The following PASK variants were observed in gnomAD, a reference collection of about 807,000 sequenced individuals.
PASK encodes PAS domain-containing serine/threonine-protein kinase.
In PASK, 110 loss-of-function variants were observed where a neutral mutation model predicts 121.0. The ratio of observed to expected loss-of-function variants is 0.91; its 90% CI spans 0.78 to 1.06. PASK has a LOEUF of 1.06. Ranked by LOEUF, PASK falls within the 50% of genes least tolerant of loss-of-function variation. PASK has a pLI of 0.00. For missense variants in PASK, 1,643 were observed against 1,702.3 expected, an observed-to-expected ratio of 0.97 and a Z score of 0.61; for synonymous variants, 686 against 717.8, an observed-to-expected ratio of 0.96 and a Z score of 0.71.
In PASK at chr2:241,112,482, C is replaced by G. The variant is rs1456060553; in HGVS notation, c.3334-43G>C. 7.0e-6 allele frequency: 9 copies of G among 1,276,678 alleles called. 1 individual carries two copies. The highest frequency in any genetic ancestry group is 1.0e-5 in the Non-Finnish European group (9 of 892,496). 79.1% of individuals were successfully genotyped at this position (1,276,678 alleles called of 1,614,324 possible). A position where few individuals can be genotyped will look rare whatever the true frequency, so the allele number is the denominator to read the frequency against. ...GAGGGGGCTTTTTAAAAAAGCAATT[C>G]AACTAAAATATGCATTTAAAATAAA... On this transcript the variant is annotated intron_variant, in intron 14 of 17. Transcript: ENST00000234040. This position sits in a 1 kb window ranked among gnomAD's most constrained non-coding sequence, Gnocchi z 5.2.
At chr2:241,116,600 A>C (rs1447707035) in intron 12 of PASK, among the ~76,000 whole-genome samples, 1 of 152,272 alleles carries the variant, frequency 6.6e-6, no homozygotes, top group African/African-American at 2.4e-5. Context: ...ATTGACTCTG[A>C]GATTAATCAG....
At position 241,112,497 on chromosome 2, in the gene PASK, T is replaced by C; in HGVS notation, c.3334-58A>G. On this transcript the variant is annotated intron_variant, in intron 14 of 17. Coordinates refer to ENST00000234040, the MANE Select transcript of PASK (RefSeq NM_015148.4). This position sits in a 1 kb window ranked among gnomAD's most constrained non-coding sequence, Gnocchi z 5.2. ...AAAAGCAATTCAACTAAAATATGCA[T>C]TTAAAATAAACTGGAACAAAAAAAA... 1.8e-6 allele frequency: 2 copies of C among 1,100,316 alleles called. No homozygotes were observed. Among genetic ancestry groups the C allele is most frequent in the East Asian group, 2.4e-5 (1 of 41,352 alleles). The allele number at this position is 1,100,316 out of a possible 1,614,324, so 68.2% of individuals were successfully genotyped here.
intron 9 of PASK, among the ~76,000 whole-genome samples, chr2:241,128,880 G>A (rs2065996006): frequency 6.6e-6 from 1 of 151,856 alleles, no homozygotes; most frequent in African/African-American, 2.4e-5. Context: ...AAAGACGGAA[G>A]AGGAAGGATA....
intron 3 of PASK, 75 bp downstream of exon 3, chr2:241,140,444 AAC>A: frequency 9.1e-7 from 1 of 1,102,976 alleles, no homozygotes; most frequent in Non-Finnish European, 1.4e-6. Context: ...ATTGCATTAA[AAC>A]ACACAAATCC....
chr2:241,141,415 G>A (rs887556391), intron 2 of PASK, among the ~76,000 whole-genome samples: 4 of 152,056 alleles, frequency 2.6e-5, no homozygotes, highest in Non-Finnish European at 4.4e-5. Context: ...GCGTTCCTAC[G>A]ATTCAAGAGC....
At chr2:241,149,683 T>C (rs1364387941), upstream of PASK, 1 of 1,549,150 alleles carries the variant, frequency 6.5e-7, no homozygotes, top group East Asian at 2.4e-5. Context: ...CAGATGCGGT[T>C]TCCTCCCGAC....
rs6709462 is a variant in PASK at position 241,142,847 on chromosome 2, T to G, written c.186A>C (p.Thr62=). ...GTCGAAGGTCATTACCAGAGAGCGC[T>G]GTCCTGCTCTGGCAGAGTCTGGAAA... is the stretch of plus-strand genomic sequence containing the variant. The part of the protein sequence containing the change: ...NGLSRLCQSR[T]ALSEDRWSSY... Residue 62 remains threonine (T), a synonymous_variant, in exon 2 of 18, where the codon ACA becomes ACC. Coordinates refer to ENST00000234040, the MANE Select transcript of PASK (RefSeq NM_015148.4). 2 of 1,611,846 alleles carry G rather than the reference T, an allele frequency of 1.2e-6. No individual in the cohort carries two copies. Among genetic ancestry groups the G allele is most frequent in the Non-Finnish European group, 1.7e-6 (2 of 1,178,602 alleles).
intron 12 of PASK, among the ~76,000 whole-genome samples, chr2:241,120,580 T>C (rs2065565224): frequency 6.6e-6 from 1 of 152,140 alleles, no homozygotes; most frequent in Non-Finnish European, 1.5e-5. Flanking sequence ...GAAAAGACAC[T>C]TGACATCATT....
chr2:241,150,074 G>T (rs2067214002), upstream of PASK: 2 of 1,285,582 alleles, frequency 1.6e-6, no homozygotes, highest in South Asian at 2.0e-5. Flanking sequence ...GGACTGGCCC[G>T]CACCTTGCAG....
chr2:241,123,982 G>C lies in PASK; in HGVS notation c.2871C>G (p.Thr957=), dbSNP rs768119964. 1 of 1,613,928 alleles carries C rather than the reference G, an allele frequency of 6.2e-7. No individual in the cohort carries two copies. The highest frequency in any genetic ancestry group is 1.7e-5 in the Admixed American group (1 of 60,026). The part of the protein sequence containing the change: ...LASLPGSTHS[T]AAELTGPSLV... ...GGCTGGGTCCGGTGAGCTCAGCAGC[G>C]GTAGAGTGGGTGGAGCCGGGCAGGC... The change falls in exon 11 of 18, where the codon ACC becomes ACG. Residue 957 remains threonine, a synonymous_variant. Transcript: ENST00000234040.
intron 17 of PASK, among the ~76,000 whole-genome samples, chr2:241,107,108 A>G (rs2064919022): frequency 6.6e-6 from 1 of 152,110 alleles, no homozygotes. Context: ...AGGAGCTCCC[A>G]TGACACCTGC....
Position 241,106,418 on chromosome 2 carries a change from C to T in PASK, c.*148G>A, listed in dbSNP as rs1211663483. 7.4e-6 allele frequency: 6 copies of T among 808,172 alleles called. No homozygotes were observed. The highest frequency in any genetic ancestry group is 1.3e-5 in the Non-Finnish European group (6 of 461,800). The allele number at this position is 808,172 out of a possible 1,614,324, so 50.1% of individuals were successfully genotyped here. On this transcript the variant is annotated 3_prime_UTR_variant, in exon 18 of 18. Transcript: ENST00000234040. Reference sequence around the variant, plus strand: ...ATCTAAAATAATACAGCATCACTGTCTTCTGTTCTGGTGTTTATCAAACCT... The same window carrying T: ...ATCTAAAATAATACAGCATCACTGTTTTCTGTTCTGGTGTTTATCAAACCT...
At chr2:241,107,004 C>T (rs2064913759) in intron 17 of PASK, among the ~76,000 whole-genome samples, 1 of 152,232 alleles carries the variant, frequency 6.6e-6, no homozygotes, top group South Asian at 2.1e-4. Context: ...GAATCACTCT[C>T]AGCATCTGTG....
chr2:241,122,673 A>G (rs779210586), intron 12 of PASK, 59 bp downstream of exon 12: 3 of 1,536,414 alleles, frequency 2.0e-6, no homozygotes, highest in Admixed American at 3.3e-5. Context: ...ACTGGGACCA[A>G]AAGTCGAGAG....
Position 241,112,336 on chromosome 2 carries a change from T to G in PASK, c.3437A>C (p.Asp1146Ala). 2 of 1,613,476 alleles carry G rather than the reference T, an allele frequency of 1.2e-6. No homozygotes were observed. The highest frequency in any genetic ancestry group is 1.7e-6 in the Non-Finnish European group (2 of 1,179,652). Residue 1146 changes from aspartate to alanine, a missense_variant, in exon 15 of 18, where the codon GAC becomes GCC. Physicochemically the swap from Asp to Ala is moderately radical, Grantham distance 126. Around this residue, in one of 3 missense-constraint regions of PASK, gnomAD observed 453 missense variants for 511.2 expected, o/e 0.89. Coordinates refer to ENST00000234040, the MANE Select transcript of PASK (RefSeq NM_015148.4). The surrounding 1 kb of genome is among the most constrained non-coding windows in gnomAD (Gnocchi z 5.2). ...IAEDFTIKLI[D>A]FGSAAYLERG... ...TTCCAAGTAGGCGGCCGAGCCAAAGTCTATCAGCTTGATTGTGAAGTCCTC... is the reference window on the plus strand; with the variant it reads ...TTCCAAGTAGGCGGCCGAGCCAAAGGCTATCAGCTTGATTGTGAAGTCCTC...
Position 241,126,378 on chromosome 2 carries a change from T to A in PASK, c.2537A>T (p.His846Leu). 1 of 1,614,254 alleles carries A rather than the reference T, an allele frequency of 6.2e-7. No individual in the cohort carries two copies. The highest frequency in any genetic ancestry group is 8.5e-7 in the Non-Finnish European group (1 of 1,180,048). The change falls in exon 10 of 18, where the codon CAC becomes CTC. Residue 846 changes from histidine (H) to leucine (L), a missense_variant. Transcript: ENST00000234040. ...YAASDRESPGHVPSTLDAGPE... is the reference protein window; with the variant it reads ...YAASDRESPGLVPSTLDAGPE... ...GCCAGCATCCAACGTGGAAGGAACG[T>A]GTCCTGGGCTTTCTCTGTCGCTTGC...
At chr2:241,117,358 G>A (rs989534750) in intron 12 of PASK, among the ~76,000 whole-genome samples, 1 of 152,154 alleles carries the variant, frequency 6.6e-6, no homozygotes, top group Non-Finnish European at 1.5e-5. Flanking sequence ...CAAAAGAAGG[G>A]CCTGCTGAGA....
chr2:241,139,631 C>G, intron 4 of PASK: 1 of 687,686 alleles, frequency 1.5e-6, no homozygotes, highest in Non-Finnish European at 2.7e-6. Flanking sequence ...CAAGGGCCAC[C>G]CACGACACCT....
intron 15 of PASK, among the ~76,000 whole-genome samples, chr2:241,110,131 GA>G (rs1426598726): frequency 6.6e-6 from 1 of 152,258 alleles, no homozygotes; most frequent in Non-Finnish European, 1.5e-5. Context: ...CCTTGAAAAG[GA>G]AGATGCTGGC....
Sources: allele counts gnomAD v4.1 joint callset (sites outside exome capture counted in the v4.1 genomes callset), GRCh38; gene constraint gnomAD v4.1.1; regional missense constraint gnomAD v4.1.1; non-coding constraint Gnocchi (gnomAD v3.1); transcripts MANE v1.5; gene names NCBI Gene and HGNC (gene_info 2026-07-23, HGNC 2026-07-21).